The following FBXO11 variants were observed in gnomAD, a reference collection of about 807,000 sequenced individuals.
The protein encoded by FBXO11 is F-box only protein 11.
In FBXO11, 13 loss-of-function variants were observed where a neutral mutation model predicts 117.0. The ratio of observed to expected loss-of-function variants is 0.11; its 90% confidence interval spans 0.07 to 0.18. The LOEUF (loss-of-function observed/expected upper bound fraction) is 0.18. FBXO11 is among the 10% of genes least tolerant of loss of function. The pLI is 1.00. For synonymous variants in FBXO11, 490 were observed against 380.5 expected (o/e 1.29, Z -3.35); for missense variants, 767 against 1,164.4 (o/e 0.66, Z 4.97).
At chr2:47,846,879 C>G (rs1215494168) in intron 1 of FBXO11, among the ~76,000 whole-genome samples, 1 of 152,162 alleles carries the variant, frequency 6.6e-6, no homozygotes, top group Non-Finnish European at 1.5e-5. Context: ...TCAAAAGCCA[C>G]ATGCAGCTAG....
chr2:47,823,394 G>C lies in FBXO11; in HGVS notation c.1399-34C>G, dbSNP rs563618863. 18 of 1,444,110 alleles carry C rather than the reference G, an allele frequency of 1.2e-5. No homozygotes were observed. The South Asian group carries it at 1.9e-4, about 15-fold the overall frequency. 89.5% of individuals were successfully genotyped at this position (1,444,110 alleles called of 1,614,324 possible). On this transcript the variant is annotated intron_variant, in intron 11 of 22. Transcript: ENST00000403359. Reference sequence around the variant, plus strand: ...TACAGAAATTAAATCTGTAGGTAAAGCCTACTTTACAAAAAAAGAAATGCC... The same window carrying C: ...TACAGAAATTAAATCTGTAGGTAAACCCTACTTTACAAAAAAAGAAATGCC...
intron 11 of FBXO11, among the ~76,000 whole-genome samples, chr2:47,830,091 G>A (rs894466123): frequency 6.6e-6 from 1 of 151,968 alleles, no homozygotes; most frequent in Non-Finnish European, 1.5e-5. Context: ...TAACCAGAAA[G>A]ATAGCTAAGT....
chr2:47,825,546 GT>G (rs2104754938), intron 11 of FBXO11, among the ~76,000 whole-genome samples: 1 of 143,164 alleles, frequency 7.0e-6, no homozygotes, highest in South Asian at 2.2e-4. Context: ...TGAATGACAT[GT>G]CTGGTGGATT....
intron 1 of FBXO11, among the ~76,000 whole-genome samples, chr2:47,892,971 G>C (rs893046988): frequency 6.6e-6 from 1 of 151,788 alleles, no homozygotes; most frequent in Non-Finnish European, 1.5e-5. Flanking sequence ...TGGTTCACAT[G>C]GTGAAACCCT....
chr2:47,858,557 C>T (rs534706312), intron 1 of FBXO11, among the ~76,000 whole-genome samples: 28 of 150,430 alleles, frequency 1.9e-4, no homozygotes, highest in African/African-American at 6.8e-4. Context: ...TAGCACATGC[C>T]TGTAATTCCA....
intron 1 of FBXO11, among the ~76,000 whole-genome samples, chr2:47,874,858 G>C (rs995400395): frequency 7.0e-6 from 1 of 142,662 alleles, no homozygotes; most frequent in Non-Finnish European, 1.5e-5. Flanking sequence ...AAAAAACATT[G>C]TCTCAGGACT....
chr2:47,903,422 T>G (rs1678450137), intron 1 of FBXO11, among the ~76,000 whole-genome samples: 1 of 152,190 alleles, frequency 6.6e-6, no homozygotes, highest in African/African-American at 2.4e-5. Context: ...TCATGAATAT[T>G]GACAGTTTAT....
intron 1 of FBXO11, among the ~76,000 whole-genome samples, chr2:47,885,174 C>T (rs775222489): frequency 2.0e-5 from 3 of 152,098 alleles, no homozygotes; most frequent in Non-Finnish European, 4.4e-5. Context: ...GAAAAGCCAT[C>T]AAGAAGACAT....
chr2:47,889,455 G>C (rs1465197886), intron 1 of FBXO11, among the ~76,000 whole-genome samples: 2 of 152,176 alleles, frequency 1.3e-5, no homozygotes, highest in Non-Finnish European at 2.9e-5. Flanking sequence ...GTTTTCTCTT[G>C]GTTTAGGTTT....
rs775480182 is a variant in FBXO11 at position 47,813,412 on chromosome 2, A to G, written c.2084-35T>C. ...CAAAAATGTAGGTTATCTAGAAGGT[A>G]TATTTCTTTTTAATTTTTTTTTTTT... On this transcript the variant is annotated intron_variant, in intron 17 of 22. Transcript: ENST00000403359. The G allele has an allele frequency of 1.3e-5, 9 of 685,800 alleles. 1 individual carries two copies. The East Asian group carries it at 2.6e-4, about 20-fold the overall frequency. 42.5% of individuals were successfully genotyped at this position (685,800 alleles called of 1,614,324 possible). A position where few individuals can be genotyped will look rare whatever the true frequency, so the allele number is the denominator to read the frequency against.
Position 47,855,261 on chromosome 2 carries a change from C to A in FBXO11, c.233-15492G>T, listed in dbSNP as rs550092109. Among the ~76,000 whole-genome samples the A allele has an allele frequency of 4.0e-5, 6 of 151,382 alleles. No individual in the cohort carries two copies. The East Asian group carries it at 1.2e-3, about 30-fold the overall frequency. ...TGTCGCCCAGGATAGACTGCAGTGGCATGATCACAGCTCACTGCAGCCTCG... is the reference window on the plus strand; with the variant it reads ...TGTCGCCCAGGATAGACTGCAGTGGAATGATCACAGCTCACTGCAGCCTCG... On this transcript the variant is annotated intron_variant, in intron 1 of 22. Transcript: ENST00000403359.
intron 7 of FBXO11, among the ~76,000 whole-genome samples, chr2:47,834,057 G>A (rs116573330): frequency 2.8e-4 from 42 of 152,096 alleles, no homozygotes; most frequent in Middle Eastern, 3.2e-3. Flanking sequence ...CTAACATTAG[G>A]AAACATATAC....
intron 4 of FBXO11, among the ~76,000 whole-genome samples, chr2:47,836,211 A>G (rs1672550697): frequency 1.3e-5 from 2 of 152,100 alleles, no homozygotes; most frequent in Non-Finnish European, 2.9e-5. Context: ...ATCTTGGCTC[A>G]CTGCAACCTC....
At position 47,813,146 on chromosome 2, in the gene FBXO11, A is replaced by C. The variant is rs3732191; in HGVS notation, c.2227+88T>G. The C allele has an allele frequency of 0.069, 89,552 of 1,300,850 alleles. 3,549 individuals are homozygous for C. The highest frequency in any genetic ancestry group is 0.11 in the Admixed American group (6,621 of 59,450). 80.6% of individuals were successfully genotyped at this position (1,300,850 alleles called of 1,614,324 possible). A position where few individuals can be genotyped will look rare whatever the true frequency, so the allele number is the denominator to read the frequency against. On this transcript the variant is annotated intron_variant, in intron 18 of 22. Coordinates refer to ENST00000403359, the MANE Select transcript of FBXO11 (RefSeq NM_001190274.2). The stretch of plus-strand genomic sequence containing the variant: ...AAGACTTGAGATTCACTCATTTATA[A>C]CTTAGTTAGCAATGTCATTGATCAT...
intron 1 of FBXO11, among the ~76,000 whole-genome samples, chr2:47,894,509 T>G (rs1029645296): frequency 1.3e-5 from 2 of 152,162 alleles, no homozygotes; most frequent in African/African-American, 4.8e-5. Context: ...GTTTTTGGAA[T>G]GAAGGCCCAG....
At chr2:47,817,398 T>C (rs1369085149) in intron 16 of FBXO11, among the ~76,000 whole-genome samples, 1 of 152,236 alleles carries the variant, frequency 6.6e-6, no homozygotes, top group Non-Finnish European at 1.5e-5. Flanking sequence ...GTTATTATTT[T>C]ATTTTGCTTT....
Position 47,813,212 on chromosome 2 carries a change from AATG to A in FBXO11, c.2227+19_2227+21del. The A allele has an allele frequency of 6.2e-7, 1 of 1,610,568 alleles. No individual in the cohort carries two copies. Among genetic ancestry groups the A allele is most frequent in the Non-Finnish European group, 8.5e-7 (1 of 1,176,978 alleles). On this transcript the variant is annotated intron_variant, in intron 18 of 22. Transcript: ENST00000403359. ...ATAATGGAAAACTGGATTTTTCACT[AATG>A]CAAAATTAACAACAATACCTCGACC...
At chr2:47,809,035 T>C (rs921582657) in intron 21 of FBXO11, 123 bp downstream of exon 21, 1 of 597,432 alleles carries the variant, frequency 1.7e-6, no homozygotes, top group Non-Finnish European at 3.0e-6. Context: ...AGTAGATTGA[T>C]GATAAAATTT....
At chr2:47,891,160 T>C (rs1677235696) in intron 1 of FBXO11, among the ~76,000 whole-genome samples, 1 of 152,002 alleles carries the variant, frequency 6.6e-6, no homozygotes, top group Non-Finnish European at 1.5e-5. Flanking sequence ...GAATACTACC[T>C]TCTTAACAAA....
Sources: allele counts gnomAD v4.1 joint callset (sites outside exome capture counted in the v4.1 genomes callset), GRCh38; gene constraint gnomAD v4.1.1; transcripts MANE v1.5; gene names NCBI Gene and HGNC (gene_info 2026-07-23, HGNC 2026-07-21).